Variants in CPT1A observed in about 807,000 individuals in gnomAD.
CPT1A encodes carnitine O-palmitoyltransferase 1, liver isoform.
CPT1A carries 64 observed loss-of-function variants against 100.8 expected under a neutral mutation model. That is an observed-to-expected ratio of 0.63 (90% CI 0.52 to 0.78). The LOEUF is 0.78. Among genes scored for constraint, CPT1A ranks in the 30% least tolerant of loss-of-function variants. The probability of loss-of-function intolerance (pLI) is 0.00; values close to 1 mark genes in which losing one functional copy is unlikely to be tolerated. For synonymous variants in CPT1A, 363 were observed against 396.0 expected, an observed-to-expected ratio of 0.92 and a Z score of 0.99; for missense variants, 802 against 1,034.1, an observed-to-expected ratio of 0.78 and a Z score of 3.08.
At chr11:68,805,443 G>T (rs988995553) in intron 4 of CPT1A, among the ~76,000 whole-genome samples, 1 of 149,924 alleles carries the variant, frequency 6.7e-6, no homozygotes, top group Non-Finnish European at 1.5e-5. Context: ...AGAGCAAGAT[G>T]CTGTCTCAAA....
At position 68,784,987 on chromosome 11, in the gene CPT1A, T is replaced by C; in HGVS notation, c.991A>G (p.Ser331Gly). Residue 331 changes from serine to glycine, a missense_variant, in exon 10 of 19, where the codon AGC becomes GGC. This residue lies in a region of CPT1A where 627 missense variants were observed against 799.3 expected (regional missense o/e 0.78). Coordinates refer to ENST00000265641, the MANE Select transcript of CPT1A (RefSeq NM_001876.4). The part of the protein sequence containing the change: ...ETDTIQHMRD[S>G]KHIVVYHRGR... ...CGATGGTACACGACGATGTGCTTGC[T>C]GTCTCTCATGTGCTGGATGGTGTCT... is the stretch of plus-strand genomic sequence containing the variant. The C allele has an allele frequency of 6.2e-7, 1 of 1,613,946 alleles. No homozygotes were observed. The highest frequency in any genetic ancestry group is 8.5e-7 in the Non-Finnish European group (1 of 1,180,032).
Position 68,773,405 on chromosome 11 carries a change from G to C in CPT1A, c.1600C>G (p.Leu534Val), listed in dbSNP as rs1209384121. 6 of 1,613,974 alleles carry C rather than the reference G, an allele frequency of 3.7e-6. No homozygotes were observed. Among genetic ancestry groups the C allele is most frequent in the Non-Finnish European group, 5.1e-6 (6 of 1,179,914 alleles). The change falls in exon 14 of 19, where the codon CTG (leucine) becomes GTG (valine). Residue 534 changes from leucine (L) to valine (V), a missense_variant. Leu to Val is a conservative substitution (Grantham distance 32). Around this residue, in one of 4 missense-constraint regions of CPT1A, gnomAD observed 627 missense variants for 799.3 expected, o/e 0.78. Transcript: ENST00000265641. Reference protein sequence around the residue: ...GECQEVIETSLNTANLLANDV... With the variant: ...GECQEVIETSVNTANLLANDV... ...TTTGCCAGAAGATTTGCGGTGTTCA[G>C]GGAGGTCTCTATAACCTCTTGACAC...
At chr11:68,798,244 G>A (rs1036264352) in intron 6 of CPT1A, among the ~76,000 whole-genome samples, 3 of 152,158 alleles carry the variant, frequency 2.0e-5, no homozygotes, top group Non-Finnish European at 2.9e-5. Flanking sequence ...TGAAACACAC[G>A]TACCTACAGA....
Position 68,773,274 on chromosome 11 carries a change from C to A in CPT1A, c.1731G>T (p.Ala577=). The change falls in exon 14 of 19, where the codon GCG becomes GCT. Residue 577 remains alanine, a synonymous_variant. Transcript: ENST00000265641. ...GGCGGTCAGTTCTTACCTTGTAGTG[C>A]GCCAGCTGGAGGGCCAGCTGCACAA... ...DAFVQLALQL[A]HYKDMGKFCL... 6.2e-7 allele frequency: 1 copy of A among 1,614,062 alleles called. No individual in the cohort carries two copies. Among genetic ancestry groups the A allele is most frequent in the Non-Finnish European group, 8.5e-7 (1 of 1,180,018 alleles).
intron 7 of CPT1A, 120 bp downstream of exon 7, chr11:68,796,736 C>T: frequency 1.1e-6 from 1 of 925,542 alleles, no homozygotes; most frequent in Non-Finnish European, 1.7e-6. Flanking sequence ...CAGAGAGGAG[C>T]ATGAGCCAAT....
upstream of CPT1A, among the ~76,000 whole-genome samples, chr11:68,843,540 C>T (rs1347204762): frequency 1.3e-5 from 2 of 152,206 alleles, no homozygotes; most frequent in Admixed American, 6.5e-5. This position sits in a 1 kb window ranked among gnomAD's most constrained non-coding sequence, Gnocchi z 4.0. Context: ...CTTCCACTGC[C>T]ACCCGCGCGT....
chr11:68,819,769 T>C (rs1856530132), intron 1 of CPT1A, among the ~76,000 whole-genome samples: 1 of 152,228 alleles, frequency 6.6e-6, no homozygotes, highest in Admixed American at 6.5e-5. Flanking sequence ...GAGTTCTAAA[T>C]GCCCCTAAGG....
rs1412500045 is a variant in CPT1A, at chr11:68,839,604, T to TG, written c.-14+2170dup. The TG allele has an allele frequency of 5.1e-6, 5 of 985,418 alleles. No homozygotes were observed. In the African/African-American group the frequency reaches 8.7e-5, roughly 17 times the overall value. 61.0% of individuals were successfully genotyped at this position (985,418 alleles called of 1,614,324 possible). A position where few individuals can be genotyped will look rare whatever the true frequency, so the allele number is the denominator to read the frequency against. ...GTGCCCAGCTGTGGGGACAGCTCGGTGCTCAGTGCTTCTGATGACAGATGC... is the reference window on the plus strand; with the variant it reads ...GTGCCCAGCTGTGGGGACAGCTCGGTGGCTCAGTGCTTCTGATGACAGATGC... On this transcript the variant is annotated intron_variant, in intron 1 of 18. Coordinates refer to ENST00000265641, the MANE Select transcript of CPT1A (RefSeq NM_001876.4).
chr11:68,762,187 T>C (rs929785530), intron 15 of CPT1A, among the ~76,000 whole-genome samples: 56 of 152,020 alleles, frequency 3.7e-4, no homozygotes, highest in African/African-American at 1.1e-3. Context: ...TAAAGGACAA[T>C]GTACAGAAAA....
chr11:68,819,006 G>T (rs999993107), intron 1 of CPT1A, among the ~76,000 whole-genome samples: 1 of 152,162 alleles, frequency 6.6e-6, no homozygotes, highest in Non-Finnish European at 1.5e-5. Context: ...GTTGAAGAGG[G>T]CATCAAAGCA....
chr11:68,805,401 A>C (rs1171344425), intron 4 of CPT1A, among the ~76,000 whole-genome samples: 1 of 151,788 alleles, frequency 6.6e-6, no homozygotes, highest in East Asian at 1.9e-4. Context: ...TAATGAGCCG[A>C]GATTGCACCA....
intron 9 of CPT1A, among the ~76,000 whole-genome samples, chr11:68,791,749 C>T (rs1855620911): frequency 6.6e-6 from 1 of 152,064 alleles, no homozygotes; most frequent in African/African-American, 2.4e-5. Flanking sequence ...CAGTAGTAGG[C>T]TGGTCTTGAA....
At chr11:68,797,503 T>A (rs1855785155) in intron 6 of CPT1A, among the ~76,000 whole-genome samples, 1 of 151,944 alleles carries the variant, frequency 6.6e-6, no homozygotes, top group Admixed American at 6.6e-5. Context: ...AGGTTCCATC[T>A]CTCCAAAAAA....
In CPT1A at chr11:68,759,647, G is replaced by A. The variant is rs760184423; in HGVS notation, c.2157C>T (p.Gly719=). The A allele has an allele frequency of 6.2e-7, 1 of 1,612,586 alleles. No homozygotes were observed. Among genetic ancestry groups the A allele is most frequent in the African/African-American group, 1.3e-5 (1 of 74,866 alleles). ...GGGFGPVADD[G]YGVSYILVGE... is the part of the protein sequence containing the mutation. ...CCACAAGGATGTACGACACACCATA[G>A]CCGTCATCAGCAACCTGGAGGACAA... The change falls in exon 18 of 19, where the codon GGC becomes GGT. Residue 719 remains glycine, a synonymous_variant. Transcript: ENST00000265641.
At chr11:68,824,618 T>C (rs1349841338) in intron 1 of CPT1A, among the ~76,000 whole-genome samples, 2 of 152,120 alleles carry the variant, frequency 1.3e-5, no homozygotes, top group Non-Finnish European at 2.9e-5. Context: ...CAGGCTGGAG[T>C]GCAGTGGCAC....
At chr11:68,781,568 C>T (rs1057344992) in intron 11 of CPT1A, among the ~76,000 whole-genome samples, 5 of 152,002 alleles carry the variant, frequency 3.3e-5, no homozygotes, top group Non-Finnish European at 5.9e-5. Flanking sequence ...TGCAGTGAGC[C>T]GAGATCAAGC....
intron 10 of CPT1A, 65 bp downstream of exon 10, chr11:68,784,750 G>A (rs1435403622): frequency 2.0e-6 from 3 of 1,486,726 alleles, no homozygotes; most frequent in East Asian, 2.3e-5. Flanking sequence ...GGTGGGGATG[G>A]GCCCCAGTGA....
At chr11:68,761,039 T>A (rs1040338145) in intron 16 of CPT1A, among the ~76,000 whole-genome samples, 2 of 150,818 alleles carry the variant, frequency 1.3e-5, no homozygotes, top group Non-Finnish European at 2.9e-5. Context: ...AAAAAATAAA[T>A]AAATAAATAA....
chr11:68,778,688 G>A (rs1406773532), intron 12 of CPT1A, among the ~76,000 whole-genome samples: 1 of 150,624 alleles, frequency 6.6e-6, no homozygotes, highest in African/African-American at 2.4e-5. Flanking sequence ...AGAACAAGAC[G>A]CCATCTCAAA....
Sources: allele counts gnomAD v4.1 joint callset (sites outside exome capture counted in the v4.1 genomes callset), GRCh38; gene constraint gnomAD v4.1.1; regional missense constraint gnomAD v4.1.1; non-coding constraint Gnocchi (gnomAD v3.1); transcripts MANE v1.5; gene names NCBI Gene and HGNC (gene_info 2026-07-23, HGNC 2026-07-21).